The following DISP1 variants were observed in gnomAD, a reference collection of about 807,000 sequenced individuals.
DISP1 encodes the protein dispatched RND transporter family member 1.
DISP1 carries 30 observed loss-of-function variants against 37.3 expected under a neutral mutation model. The ratio of observed to expected loss-of-function variants is 0.80; its 90% CI spans 0.60 to 1.09. The LOEUF (loss-of-function observed/expected upper bound fraction) is 1.09, where lower values mean the gene tolerates loss of function less well. DISP1 is among the 50% of genes least tolerant of loss of function. The pLI, the probability that DISP1 is intolerant of heterozygous loss-of-function variation, is 0.00. For synonymous variants in DISP1, 634 were observed against 690.2 expected, an observed-to-expected ratio of 0.92 and a Z score of 1.28; for missense variants, 1,598 against 1,879.5, an observed-to-expected ratio of 0.85 and a Z score of 2.77.
chr1:222,978,038 T>C (rs562115166), intron 3 of DISP1, among the ~76,000 whole-genome samples: 1 of 152,328 alleles, frequency 6.6e-6, no homozygotes, highest in South Asian at 2.1e-4. Context: ...TATAATCCTT[T>C]GGGTATATAC....
At chr1:222,975,024 A>G (rs923327363) in intron 3 of DISP1, among the ~76,000 whole-genome samples, 1 of 152,166 alleles carries the variant, frequency 6.6e-6, no homozygotes, top group African/African-American at 2.4e-5. Context: ...TGCTACTTAC[A>G]GCACTTTTTT....
intron 1 of DISP1, among the ~76,000 whole-genome samples, chr1:222,868,351 A>ATG (rs1286478183): frequency 6.8e-6 from 1 of 147,836 alleles, no homozygotes; most frequent in Non-Finnish European, 1.5e-5. Context: ...ACATATATAT[A>ATG]TGTGTGTGTA....
intron 4 of DISP1, 64 bp from the exon 5 acceptor site, chr1:222,990,561 G>T: frequency 6.2e-7 from 1 of 1,612,674 alleles, no homozygotes; most frequent in Non-Finnish European, 8.5e-7. Flanking sequence ...GGCCTTCTTT[G>T]TGCCTTCTTT....
chr1:222,844,044 A>AGT (rs1339630430), intron 1 of DISP1, among the ~76,000 whole-genome samples: 6 of 148,300 alleles, frequency 4.0e-5, no homozygotes, highest in Admixed American at 2.7e-4. Context: ...ATGTATCCAG[A>AGT]GTATTCTCCA....
At chr1:222,900,776 A>G (rs1409471190) in intron 1 of DISP1, among the ~76,000 whole-genome samples, 1 of 152,226 alleles carries the variant, frequency 6.6e-6, no homozygotes, top group Non-Finnish European at 1.5e-5. Context: ...TGATCTCCAT[A>G]AAGTTAGCTA....
At position 223,002,906 on chromosome 1, in the gene DISP1, T is replaced by C; in HGVS notation, c.1509T>C (p.Asp503=). 2.5e-6 allele frequency: 4 copies of C among 1,614,048 alleles called. No individual in the cohort carries two copies. The highest frequency in any genetic ancestry group is 1.1e-5 in the South Asian group (1 of 91,084). Residue 503 remains aspartate (D), a synonymous_variant, in exon 9 of 9, where the codon GAT becomes GAC. Transcript: ENST00000675850. ...TGTTTCAGGATTATCTTCTAATGGA[T>C]ACTGTGTATCCTGCCATAGCCATTG... ...HSLFQDYLLM[D]TVYPAIAIVI... is the part of the protein sequence containing the mutation.
chr1:222,935,528 GC>G (rs1673666082), intron 2 of DISP1, among the ~76,000 whole-genome samples: 1 of 152,116 alleles, frequency 6.6e-6, no homozygotes, highest in Non-Finnish European at 1.5e-5. Flanking sequence ...GGTAATGCCT[GC>G]CACCCCTGTT....
chr1:222,826,054 A>ACATTCTGGGACTGTAGGTGTAC (rs1664304733), intron 1 of DISP1, among the ~76,000 whole-genome samples: 1 of 152,010 alleles, frequency 6.6e-6, no homozygotes, highest in African/African-American at 2.4e-5. Flanking sequence ...GGTGTGTACC[A>ACATTCTGGGACTGTAGGTGTAC]CCATGCATGG....
chr1:222,996,818 C>T (rs1397941412), intron 8 of DISP1, among the ~76,000 whole-genome samples: 1 of 152,084 alleles, frequency 6.6e-6, no homozygotes, highest in South Asian at 2.1e-4. Flanking sequence ...AAGATACCTC[C>T]CCCGTTTTGT....
intron 1 of DISP1, among the ~76,000 whole-genome samples, chr1:222,848,296 A>G (rs912332979): frequency 1.3e-5 from 2 of 152,322 alleles, no homozygotes; most frequent in Middle Eastern, 6.8e-3. Context: ...GAATGCACAT[A>G]AAATGGTCAG....
At chr1:222,978,986 A>T (rs984310925) in intron 3 of DISP1, among the ~76,000 whole-genome samples, 23 of 151,964 alleles carry the variant, frequency 1.5e-4, no homozygotes, top group African/African-American at 5.6e-4. Context: ...TTGGCTTAGG[A>T]TTGACTTGGC....
chr1:222,841,490 C>T (rs759197840), intron 1 of DISP1, among the ~76,000 whole-genome samples: 1 of 152,166 alleles, frequency 6.6e-6, no homozygotes, highest in Non-Finnish European at 1.5e-5. Flanking sequence ...TTCTTGAACT[C>T]ATGTCTGGGT....
At chr1:222,973,636 T>G (rs1217064159) in intron 3 of DISP1, among the ~76,000 whole-genome samples, 1 of 152,206 alleles carries the variant, frequency 6.6e-6, no homozygotes, top group Non-Finnish European at 1.5e-5. Context: ...ACATTAAGAT[T>G]AAGGTTGCTC....
At chr1:222,966,154 CTTTG>C (rs1001651996) in intron 3 of DISP1, among the ~76,000 whole-genome samples, 10 of 152,146 alleles carry the variant, frequency 6.6e-5, no homozygotes, top group African/African-American at 2.2e-4. Flanking sequence ...TGAAGCATTT[CTTTG>C]TTTATTACAC....
chr1:222,815,609 G>GT (rs1339325299), intron 1 of DISP1, among the ~76,000 whole-genome samples: 2 of 151,950 alleles, frequency 1.3e-5, no homozygotes, highest in African/African-American at 4.8e-5. Flanking sequence ...CATGCAGTTT[G>GT]TTTTTTGTTT....
chr1:222,889,348 G>C (rs1191494069), intron 1 of DISP1, among the ~76,000 whole-genome samples: 2 of 152,112 alleles, frequency 1.3e-5, no homozygotes, highest in East Asian at 3.9e-4. Context: ...AACTGATTGA[G>C]GATGGGTGAT....
chr1:222,835,825 G>A (rs767723291), intron 1 of DISP1, among the ~76,000 whole-genome samples: 1 of 151,962 alleles, frequency 6.6e-6, no homozygotes, highest in Non-Finnish European at 1.5e-5. Context: ...GGTGGCACAC[G>A]CCTGTAATCC....
At chr1:222,883,347 C>T (rs1354796764) in intron 1 of DISP1, among the ~76,000 whole-genome samples, 1 of 152,124 alleles carries the variant, frequency 6.6e-6, no homozygotes, top group Non-Finnish European at 1.5e-5. Context: ...TGGCTGGGCA[C>T]GGTGGCTCAC....
intron 2 of DISP1, among the ~76,000 whole-genome samples, chr1:222,940,545 A>G (rs984052706): frequency 5.9e-5 from 9 of 152,210 alleles, no homozygotes; most frequent in African/African-American, 2.2e-4. Flanking sequence ...ATTTGTTGTT[A>G]TTAGATGCTT....
Sources: allele counts gnomAD v4.1 joint callset (sites outside exome capture counted in the v4.1 genomes callset), GRCh38; gene constraint gnomAD v4.1.1; transcripts MANE v1.5; gene names NCBI Gene and HGNC (gene_info 2026-07-23, HGNC 2026-07-21).